The following MMP15 variants were observed in gnomAD, a reference collection of about 807,000 sequenced individuals.
The protein encoded by MMP15 is matrix metallopeptidase 15, also known as matrix metalloproteinase-15.
A neutral mutation model predicts 65.0 loss-of-function variants in MMP15; 36 were observed. The ratio of observed to expected loss-of-function variants is 0.55; its 90% confidence interval spans 0.42 to 0.73. MMP15 has a LOEUF of 0.73. MMP15 is among the 30% of genes least tolerant of loss of function. The pLI is 0.00. For missense variants in MMP15, 870 were observed against 987.8 expected (o/e 0.88, Z 1.60); for synonymous variants, 428 against 410.2 (o/e 1.04, Z -0.52).
At chr16:58,029,563 G>C (rs976667321) in intron 1 of MMP15, among the ~76,000 whole-genome samples, 1 of 152,210 alleles carries the variant, frequency 6.6e-6, no homozygotes, top group Non-Finnish European at 1.5e-5. Flanking sequence ...AGATCTCATT[G>C]GGCCATGCCC....
At chr16:58,027,151 G>C (rs1231029523) in intron 1 of MMP15, among the ~76,000 whole-genome samples, 1 of 152,244 alleles carries the variant, frequency 6.6e-6, no homozygotes, top group Non-Finnish European at 1.5e-5. Flanking sequence ...GGGGTCCTAA[G>C]GACGGACCCT....
At chr16:58,027,148 T>C (rs149648598) in intron 1 of MMP15, among the ~76,000 whole-genome samples, 410 of 152,324 alleles carry the variant, frequency 2.7e-3, no homozygotes, top group African/African-American at 9.4e-3. Flanking sequence ...GGCGGGGTCC[T>C]AAGGACGGAC....
intron 2 of MMP15, 24 bp downstream of exon 2, chr16:58,037,644 C>G (rs1388118833): frequency 6.2e-7 from 1 of 1,613,808 alleles, no homozygotes; most frequent in African/African-American, 1.3e-5. Flanking sequence ...ACCATCCACA[C>G]CCCACAGGCA....
intron 5 of MMP15, 86 bp from the exon 6 acceptor site, chr16:58,041,531 G>A (rs1247805371): frequency 1.0e-5 from 15 of 1,433,872 alleles, no homozygotes; most frequent in African/African-American, 4.3e-5. Flanking sequence ...TACTTTCCGC[G>A]TGGGTGGGCC....
chr16:58,037,392 G>A (rs1449329346), intron 1 of MMP15, 80 bp from the exon 2 acceptor site: 2 of 1,545,756 alleles, frequency 1.3e-6, no homozygotes, highest in Non-Finnish European at 8.8e-7. Context: ...TGGAGGTGGT[G>A]GGAAGTGGTC....
At chr16:58,041,577 G>A (rs2142330405) in intron 5 of MMP15, 40 bp from the exon 6 acceptor site, 1 of 1,558,564 alleles carries the variant, frequency 6.4e-7, no homozygotes, top group Non-Finnish European at 8.7e-7. Context: ...GTTCTGAGTA[G>A]GAACACAGAC....
intron 1 of MMP15, among the ~76,000 whole-genome samples, chr16:58,032,951 G>C (rs1959260120): frequency 6.6e-6 from 1 of 152,206 alleles, no homozygotes; most frequent in Non-Finnish European, 1.5e-5. Flanking sequence ...GGTCTGATAA[G>C]GGCCCCGGGG....
intron 1 of MMP15, among the ~76,000 whole-genome samples, chr16:58,036,441 C>T (rs1405510354): frequency 6.6e-6 from 1 of 152,200 alleles, no homozygotes; most frequent in Non-Finnish European, 1.5e-5. Flanking sequence ...CCTCCCATGG[C>T]CCCCAGCTGG....
chr16:58,030,387 G>C (rs1370373988), intron 1 of MMP15, among the ~76,000 whole-genome samples: 1 of 152,188 alleles, frequency 6.6e-6, no homozygotes, highest in Non-Finnish European at 1.5e-5. Flanking sequence ...GGATTCCTGA[G>C]ACCAGAGGCC....
Position 58,037,627 on chromosome 16 carries a change from TC to T in MMP15, c.311+13del, listed in dbSNP as rs34247422. Reference sequence around the variant, plus strand: ...TCGACGAAGAGACCAAGGAGTGAGTTCCCCCCACCATCCACACCCCACAGGC... The same window carrying T: ...TCGACGAAGAGACCAAGGAGTGAGTTCCCCCACCATCCACACCCCACAGGC... On this transcript the variant is annotated splice_region_variant and intron_variant, in intron 2 of 9. Transcript: ENST00000219271. 6.2e-7 allele frequency: 1 copy of T among 1,613,616 alleles called. No homozygotes were observed. Among genetic ancestry groups the T allele is most frequent in the Admixed American group, 1.7e-5 (1 of 59,964 alleles).
intron 7 of MMP15, among the ~76,000 whole-genome samples, chr16:58,042,949 G>A (rs1227533012): frequency 6.6e-6 from 1 of 152,210 alleles, no homozygotes; most frequent in African/African-American, 2.4e-5. Flanking sequence ...ATGTGCGGGG[G>A]TGGATGTGCA....
intron 1 of MMP15, among the ~76,000 whole-genome samples, chr16:58,035,859 G>A (rs902322808): frequency 3.9e-5 from 6 of 152,174 alleles, no homozygotes; most frequent in East Asian, 1.9e-4. Context: ...CAGCTGCTCC[G>A]TCTATTGGCA....
Position 58,045,387 on chromosome 16 carries a change from C to A in MMP15, c.1951C>A (p.Arg651Ser). 1 of 1,582,530 alleles carries A rather than the reference C, an allele frequency of 6.3e-7. No individual in the cohort carries two copies. The highest frequency in any genetic ancestry group is 8.6e-7 in the Non-Finnish European group (1 of 1,166,714). The change falls in exon 10 of 10, where the codon CGC becomes AGC. Residue 651 changes from arginine to serine, a missense_variant. Transcript: ENST00000219271. ...GLTYALVQMQRKGAPRVLLYC... is the reference protein window; with the variant it reads ...GLTYALVQMQSKGAPRVLLYC... Reference sequence around the variant, plus strand: ...CACCTACGCGCTGGTGCAGATGCAGCGCAAGGGTGCGCCACGTGTCCTGCT... The same window carrying A: ...CACCTACGCGCTGGTGCAGATGCAGAGCAAGGGTGCGCCACGTGTCCTGCT...
Position 58,040,527 on chromosome 16 carries a change from TC to T in MMP15, c.749-6del. The T allele has an allele frequency of 6.2e-7, 1 of 1,610,698 alleles. No individual in the cohort carries two copies. The stretch of plus-strand genomic sequence containing the variant: ...AGCTGACTGTGCTGCCCTCCTTCTC[TC>T]CCCAAAAGGAAACAACCTCTTCCTG... On this transcript the variant is annotated splice_polypyrimidine_tract_variant and intron_variant, in intron 4 of 9. Coordinates refer to ENST00000219271, the MANE Select transcript of MMP15 (RefSeq NM_002428.4).
chr16:58,041,952 C>G lies in MMP15; in HGVS notation c.1164+82C>G, dbSNP rs1959466852. The G allele has an allele frequency of 2.1e-6, 3 of 1,453,024 alleles. No homozygotes were observed. In the Admixed American group the frequency reaches 7.7e-5, roughly 37 times the overall value. 90.0% of individuals were successfully genotyped at this position (1,453,024 alleles called of 1,614,324 possible). On this transcript the variant is annotated intron_variant, in intron 6 of 9. Coordinates refer to ENST00000219271, the MANE Select transcript of MMP15 (RefSeq NM_002428.4). ...CCCTGTCCCACCCTCACTCAGCAGG[C>G]CCCGGGGAGCCATTAAGCCCTCAGC...
chr16:58,034,996 C>T (rs768521261), intron 1 of MMP15, among the ~76,000 whole-genome samples: 3 of 152,036 alleles, frequency 2.0e-5, no homozygotes, highest in Non-Finnish European at 4.4e-5. Flanking sequence ...CATGATTGCG[C>T]TCCCAGAGAT....
At chr16:58,044,902 TGAGAA>T in intron 9 of MMP15, 100 bp from the exon 10 acceptor site, 1 of 1,264,874 alleles carries the variant, frequency 7.9e-7, no homozygotes, top group African/African-American at 1.5e-5. Flanking sequence ...GGGAAGCAAA[TGAGAA>T]GAAGGGTGTT....
rs201935216 is a variant in MMP15 at position 58,040,647 on chromosome 16, G to A, written c.859G>A (p.Asp287Asn). Residue 287 changes from aspartate (D) to asparagine (N), a missense_variant, in exon 5 of 10, where the codon GAC becomes AAC. Coordinates refer to ENST00000219271, the MANE Select transcript of MMP15 (RefSeq NM_002428.4). ...MAPFYQWKDV[D>N]NFKLPEDDLR... ...GCCGTTCTACCAGTGGAAGGACGTT[G>A]ACAACTTCAAGCTGCCCGAGGACGA... The A allele has an allele frequency of 3.1e-4, 495 of 1,614,220 alleles. No individual in the cohort carries two copies. Among genetic ancestry groups the A allele is most frequent in the Non-Finnish European group, 4.0e-4 (467 of 1,180,052 alleles).
chr16:58,043,548 C>A lies in MMP15; in HGVS notation c.1491C>A (p.Asp497Glu), dbSNP rs1869157849. The A allele has an allele frequency of 6.2e-7, 1 of 1,614,006 alleles. No individual in the cohort carries two copies. The highest frequency in any genetic ancestry group is 2.2e-5 in the East Asian group (1 of 44,872). ...TCAACGAGGAGACACAGCGTGGAGACCCTGGGTACCCCAAGCCCATCAGTG... is the reference window on the plus strand; with the variant it reads ...TCAACGAGGAGACACAGCGTGGAGAACCTGGGTACCCCAAGCCCATCAGTG... ...WRFNEETQRG[D>E]PGYPKPISVW... The change falls in exon 9 of 10, where the codon GAC becomes GAA. Residue 497 changes from aspartate to glutamate, a missense_variant. Transcript: ENST00000219271.
Sources: allele counts gnomAD v4.1 joint callset (sites outside exome capture counted in the v4.1 genomes callset), GRCh38; gene constraint gnomAD v4.1.1; transcripts MANE v1.5; gene names NCBI Gene and HGNC (gene_info 2026-07-23, HGNC 2026-07-21).